Variants in EPM2A observed in about 807,000 individuals in gnomAD.
The protein encoded by EPM2A is EPM2A glucan phosphatase, laforin.
Under a neutral mutation model 26.5 loss-of-function variants are expected in EPM2A, and 21 were observed. That is an observed-to-expected ratio of 0.79 (90% CI 0.56 to 1.14). The LOEUF is 1.14. Ranked by LOEUF, EPM2A falls within the 50% of genes most tolerant of loss-of-function variation. The pLI is 0.00. For synonymous variants in EPM2A, 217 were observed against 177.6 expected, an observed-to-expected ratio of 1.22 and a Z score of -1.76; for missense variants, 458 against 440.8, an observed-to-expected ratio of 1.04 and a Z score of -0.35.
chr6:145,713,967 G>C (rs1025895144), intron 1 of EPM2A, among the ~76,000 whole-genome samples: 6 of 152,148 alleles, frequency 3.9e-5, no homozygotes, highest in Admixed American at 3.3e-4. Flanking sequence ...ATTAGTGAAA[G>C]CAGCCAGTTA....
rs557364414 is a variant in EPM2A, at chr6:145,572,528, G to A, written c.340+62717C>T. ...CAGTTCATGATAGGCTGGTCAGGTCGCATGGTGACGTGATGACCCATATGC... is the reference window on the plus strand; with the variant it reads ...CAGTTCATGATAGGCTGGTCAGGTCACATGGTGACGTGATGACCCATATGC... On this transcript the variant is annotated intron_variant, in intron 2 of 3. Transcript: ENST00000450221. Among the ~76,000 whole-genome samples the A allele has an allele frequency of 4.6e-5, 7 of 152,296 alleles. No homozygotes were observed. The East Asian group carries it at 5.8e-4, about 13-fold the overall frequency.
chr6:145,735,172 C>CG, intron 1 of EPM2A, 26 bp downstream of exon 1: 5 of 1,467,654 alleles, frequency 3.4e-6, no homozygotes, highest in Non-Finnish European at 4.5e-6. Flanking sequence ...CGCTCTGCGC[C>CG]GGGGGCAGGC....
intron 1 of EPM2A, among the ~76,000 whole-genome samples, chr6:145,698,167 C>T (rs549226201): frequency 1.1e-4 from 17 of 152,292 alleles, no homozygotes; most frequent in East Asian, 1.9e-4. Context: ...CCTGACCTCC[C>T]GCAACAATTT....
intron 4 of EPM2A, among the ~76,000 whole-genome samples, chr6:145,457,392 G>A (rs1166547716): frequency 6.6e-6 from 1 of 150,760 alleles, no homozygotes; most frequent in Non-Finnish European, 1.5e-5. Flanking sequence ...GCTGAGGCAG[G>A]AGAACTGCTT....
At chr6:145,676,184 A>G (rs948522588) in intron 2 of EPM2A, among the ~76,000 whole-genome samples, 2 of 152,178 alleles carry the variant, frequency 1.3e-5, no homozygotes, top group African/African-American at 4.8e-5. Flanking sequence ...CTACTGGATA[A>G]ATAATGAAAT....
chr6:145,696,809 G>GTGTGTT (rs1781610825), intron 1 of EPM2A, among the ~76,000 whole-genome samples: 1 of 150,658 alleles, frequency 6.6e-6, no homozygotes, highest in African/African-American at 2.4e-5. Context: ...GTGTGTGTGT[G>GTGTGTT]TGTGTGTGTG....
At chr6:145,401,777 G>A (rs1406792177) in intron 4 of EPM2A, among the ~76,000 whole-genome samples, 1 of 152,110 alleles carries the variant, frequency 6.6e-6, no homozygotes, top group Non-Finnish European at 1.5e-5. Context: ...AGGGCTTAAA[G>A]AATGATCATG....
At chr6:145,432,717 G>T (rs1778938147) in intron 4 of EPM2A, among the ~76,000 whole-genome samples, 1 of 152,070 alleles carries the variant, frequency 6.6e-6, no homozygotes, top group Non-Finnish European at 1.5e-5. Flanking sequence ...CTCCTCACAA[G>T]AGTCAACCTG....
At chr6:145,532,503 G>A (rs1780372521) in intron 2 of EPM2A, among the ~76,000 whole-genome samples, 1 of 152,072 alleles carries the variant, frequency 6.6e-6, no homozygotes, top group Non-Finnish European at 1.5e-5. Context: ...GGGGTGGGGG[G>A]AGGCAACCAG....
intron 2 of EPM2A, among the ~76,000 whole-genome samples, chr6:145,618,775 T>A (rs1483482452): frequency 6.6e-6 from 1 of 152,218 alleles, no homozygotes; most frequent in Non-Finnish European, 1.5e-5. Context: ...GAGAACAGAC[T>A]AATACAATGT....
intron 1 of EPM2A, among the ~76,000 whole-genome samples, chr6:145,725,741 G>C (rs1776172105): frequency 6.6e-6 from 1 of 152,064 alleles, no homozygotes; most frequent in Non-Finnish European, 1.5e-5. Context: ...AAACAGATCA[G>C]TGGTTGCCAA....
chr6:145,445,251 A>C (rs970311645), intron 4 of EPM2A, among the ~76,000 whole-genome samples: 1 of 152,274 alleles, frequency 6.6e-6, no homozygotes, highest in East Asian at 1.9e-4. Flanking sequence ...ATTAATCTTT[A>C]TCACCTCAGA....
intron 2 of EPM2A, among the ~76,000 whole-genome samples, chr6:145,596,674 C>T (rs1781347188): frequency 1.3e-5 from 2 of 152,058 alleles, no homozygotes; most frequent in South Asian, 4.2e-4. Flanking sequence ...ACACCTCCCA[C>T]ATTTTGTAAA....
chr6:145,732,201 TTGTGTGTGTGTGTGTGTGTG>T (rs66889564), intron 1 of EPM2A, among the ~76,000 whole-genome samples: 1 of 138,462 alleles, frequency 7.2e-6, no homozygotes, highest in African/African-American at 2.8e-5. Context: ...CAGCTAAGAC[TTGTGTGTGTGTGTGTGTGTG>T]TGTGTGTGTG....
chr6:145,622,959 C>T (rs116750015), downstream of EPM2A, among the ~76,000 whole-genome samples: 420 of 152,318 alleles, frequency 2.8e-3, 6 homozygotes, highest in African/African-American at 9.6e-3. Context: ...ATAAGTTCAC[C>T]TTCTCTCTAT....
At chr6:145,694,664 T>C (rs1179433941) in intron 1 of EPM2A, among the ~76,000 whole-genome samples, 1 of 151,982 alleles carries the variant, frequency 6.6e-6, no homozygotes, top group African/African-American at 2.4e-5. Flanking sequence ...AGAAAAACTA[T>C]GTAAGAATAA....
At chr6:145,524,548 T>C (rs1780245636) in intron 2 of EPM2A, among the ~76,000 whole-genome samples, 1 of 152,176 alleles carries the variant, frequency 6.6e-6, no homozygotes, top group Non-Finnish European at 1.5e-5. Flanking sequence ...CATTTTTTCA[T>C]ATGTTTGTTG....
At chr6:145,472,535 G>T (rs759688256) in intron 4 of EPM2A, among the ~76,000 whole-genome samples, 5 of 152,026 alleles carry the variant, frequency 3.3e-5, no homozygotes, top group Admixed American at 2.6e-4. Flanking sequence ...GGAGACCACT[G>T]CCCTGAAGAG....
intron 4 of EPM2A, among the ~76,000 whole-genome samples, chr6:145,387,902 TTC>T (rs1277141153): frequency 6.6e-6 from 1 of 151,936 alleles, no homozygotes; most frequent in African/African-American, 2.4e-5. Context: ...AAGGGTGGTT[TTC>T]TGTCAGGTTG....
Sources: gnomAD v4.1 joint callset for allele counts (sites outside exome capture counted in the v4.1 genomes callset) on GRCh38, gnomAD v4.1.1 for gene constraint, MANE v1.5 for transcripts, NCBI Gene and HGNC (gene_info 2026-07-23, HGNC 2026-07-21) for gene names.